Variants in PCDH15 observed in about 807,000 individuals in gnomAD.
PCDH15 encodes protocadherin-15.
PCDH15 carries 129 observed loss-of-function variants against 178.5 expected under a neutral mutation model. The ratio of observed to expected loss-of-function variants is 0.72; its 90% CI spans 0.63 to 0.84. The LOEUF is 0.84. Among genes scored for constraint, PCDH15 ranks in the 40% least tolerant of loss-of-function variants. PCDH15 has a pLI of 0.00. For synonymous variants in PCDH15, 800 were observed against 732.0 expected (o/e 1.09, Z -1.50); for missense variants, 2,230 against 2,099.9 (o/e 1.06, Z -1.21).
At chr10:54,572,326 T>G (rs1261072353) in intron 2 of PCDH15, among the ~76,000 whole-genome samples, 2 of 151,980 alleles carry the variant, frequency 1.3e-5, no homozygotes, top group Admixed American at 6.6e-5. Context: ...CCATAATGAG[T>G]GATATTATTT....
chr10:55,416,228 C>T (rs563326519), intron 2 of PCDH15, among the ~76,000 whole-genome samples: 7 of 151,810 alleles, frequency 4.6e-5, no homozygotes, highest in Middle Eastern at 3.4e-3. Context: ...CCCTTAGTAA[C>T]ATCCTCCACA....
chr10:54,981,099 T>C (rs954366548), intron 2 of PCDH15, among the ~76,000 whole-genome samples: 1 of 152,122 alleles, frequency 6.6e-6, no homozygotes, highest in Non-Finnish European at 1.5e-5. Flanking sequence ...AAGAAAAATA[T>C]ATCTACATTT....
chr10:55,490,062 C>T (rs1232478958), intron 2 of PCDH15, among the ~76,000 whole-genome samples: 1 of 151,428 alleles, frequency 6.6e-6, no homozygotes, highest in Non-Finnish European at 1.5e-5. Flanking sequence ...GAAAAATAAA[C>T]AAAGCAACAA....
chr10:54,203,434 C>A (rs941032306), intron 10 of PCDH15, among the ~76,000 whole-genome samples: 1 of 152,074 alleles, frequency 6.6e-6, no homozygotes, highest in Non-Finnish European at 1.5e-5. Context: ...TAAGCCACCA[C>A]TTTTACTTTA....
At chr10:54,780,606 T>C (rs1325027243) in intron 1 of PCDH15, among the ~76,000 whole-genome samples, 1 of 151,974 alleles carries the variant, frequency 6.6e-6, no homozygotes, top group Non-Finnish European at 1.5e-5. Flanking sequence ...GGAAACATTT[T>C]GAGGAAGGAA....
chr10:55,288,704 G>A (rs1025321971), intron 1 of PCDH15, among the ~76,000 whole-genome samples: 3 of 151,880 alleles, frequency 2.0e-5, no homozygotes, highest in Admixed American at 2.0e-4. Flanking sequence ...CAAATTGCAG[G>A]ATCTCCTTTT....
At chr10:53,886,969 T>C (rs2081146723) in intron 26 of PCDH15, among the ~76,000 whole-genome samples, 1 of 152,206 alleles carries the variant, frequency 6.6e-6, no homozygotes, top group African/African-American at 2.4e-5. Context: ...GGACTGTGTC[T>C]GTGCTTACGT....
intron 21 of PCDH15, among the ~76,000 whole-genome samples, chr10:53,968,418 T>A (rs1187583449): frequency 1.3e-5 from 2 of 152,160 alleles, no homozygotes; most frequent in African/African-American, 4.8e-5. Flanking sequence ...AGACTCCACC[T>A]CTGGGGGCAG....
At chr10:55,527,081 A>T (rs1285350805) in intron 2 of PCDH15, among the ~76,000 whole-genome samples, 6 of 151,982 alleles carry the variant, frequency 3.9e-5, no homozygotes, top group Non-Finnish European at 7.4e-5. Flanking sequence ...CTAGATGGAA[A>T]TTTTTTCCTA....
In PCDH15 at chr10:54,664,436, G is replaced by C. The variant is rs1159009606; in HGVS notation, c.-28-146C>G. The C allele has an allele frequency of 4.8e-6, 3 of 630,984 alleles. No individual in the cohort carries two copies. The African/African-American group carries it at 5.5e-5, about 12-fold the overall frequency. The allele number at this position is 630,984 out of a possible 1,614,324, so 39.1% of individuals were successfully genotyped here. A position where few individuals can be genotyped will look rare whatever the true frequency, so the allele number is the denominator to read the frequency against. On this transcript the variant is annotated intron_variant, in intron 1 of 37. Coordinates refer to ENST00000644397, the MANE Select transcript of PCDH15 (RefSeq NM_001384140.1). ...TATCCATTAACAAAGTAACACACTG[G>C]TTTAATGCACTGGAACTGTTTATCA...
intron 18 of PCDH15, among the ~76,000 whole-genome samples, chr10:54,025,833 G>A (rs2093069243): frequency 6.6e-6 from 1 of 151,936 alleles, no homozygotes; most frequent in African/African-American, 2.4e-5. Context: ...TGGTGGTCAA[G>A]CCCCTCACAT....
chr10:54,524,938 CAG>C (rs2083234042), intron 3 of PCDH15, among the ~76,000 whole-genome samples: 1 of 152,182 alleles, frequency 6.6e-6, no homozygotes. Flanking sequence ...AAGCATCTAA[CAG>C]AGCCCAGGAT....
At chr10:54,057,592 T>C (rs2093922908) in intron 18 of PCDH15, among the ~76,000 whole-genome samples, 1 of 152,102 alleles carries the variant, frequency 6.6e-6, no homozygotes, top group African/African-American at 2.4e-5. Context: ...AAACCATTTT[T>C]TCCTCCTAGG....
chr10:54,846,910 T>A (rs982793534), intron 3 of PCDH15, among the ~76,000 whole-genome samples: 1 of 152,186 alleles, frequency 6.6e-6, no homozygotes. Flanking sequence ...GAGTACGATA[T>A]AAGGTACATA....
intron 2 of PCDH15, among the ~76,000 whole-genome samples, chr10:55,374,885 G>C (rs1421342643): frequency 6.6e-6 from 1 of 151,678 alleles, no homozygotes; most frequent in Non-Finnish European, 1.5e-5. Flanking sequence ...TTATTGATCT[G>C]ACCAACAATA....
At chr10:54,486,591 TTTTC>T (rs973311306) in intron 3 of PCDH15, among the ~76,000 whole-genome samples, 4 of 151,718 alleles carry the variant, frequency 2.6e-5, no homozygotes, top group East Asian at 1.9e-4. Context: ...CCTTCCTTTC[TTTTC>T]TTTCTTTCTT....
chr10:55,264,653 C>T (rs2132239141), intron 1 of PCDH15, among the ~76,000 whole-genome samples: 1 of 152,284 alleles, frequency 6.6e-6, no homozygotes, highest in African/African-American at 2.4e-5. Flanking sequence ...CAGTTCTCTT[C>T]ACCACCCCCA....
chr10:54,643,013 C>A (rs2094028013), intron 2 of PCDH15, among the ~76,000 whole-genome samples: 1 of 152,194 alleles, frequency 6.6e-6, no homozygotes, highest in Non-Finnish European at 1.5e-5. Context: ...ACCTCCGCCT[C>A]CTGGGCTCAA....
intron 26 of PCDH15, among the ~76,000 whole-genome samples, chr10:53,876,361 G>A (rs1307534828): frequency 6.6e-6 from 1 of 151,836 alleles, no homozygotes; most frequent in Non-Finnish European, 1.5e-5. Context: ...CTAATTTTTT[G>A]TATTTTAGGA....
Sources: allele counts gnomAD v4.1 joint callset (sites outside exome capture counted in the v4.1 genomes callset), GRCh38; gene constraint gnomAD v4.1.1; transcripts MANE v1.5; gene names NCBI Gene and HGNC (gene_info 2026-07-23, HGNC 2026-07-21).